The following SULT4A1 variants were observed in gnomAD, a reference collection of about 807,000 sequenced individuals.
SULT4A1 encodes sulfotransferase 4A1.
SULT4A1 carries 11 observed loss-of-function variants against 35.2 expected under a neutral mutation model. The observed-to-expected ratio is 0.31, with a 90% CI of 0.20 to 0.52. The LOEUF (loss-of-function observed/expected upper bound fraction) is 0.52, where lower values mean the gene tolerates loss of function less well. SULT4A1 is among the 20% of genes least tolerant of loss of function. The pLI is 0.97. For synonymous variants in SULT4A1, 152 were observed against 151.8 expected, an observed-to-expected ratio of 1.00 and a Z score of -0.01; for missense variants, 271 against 383.7, an observed-to-expected ratio of 0.71 and a Z score of 2.45.
rs1328305315 is a variant in SULT4A1, at chr22:43,838,852, G to A, written c.508+15C>T. The A allele has an allele frequency of 1.2e-6, 2 of 1,613,780 alleles. No homozygotes were observed. Among genetic ancestry groups the A allele is most frequent in the Non-Finnish European group, 1.7e-6 (2 of 1,179,822 alleles). On this transcript the variant is annotated intron_variant, in intron 4 of 6. Coordinates refer to ENST00000330884, the MANE Select transcript of SULT4A1 (RefSeq NM_014351.4). ...CGGCTCCGGTTCTAACATGCCGCCA[G>A]GCTGCAACACTCACGCTTATCATTC...
chr22:43,861,731 G>C (rs2049471368), intron 1 of SULT4A1, among the ~76,000 whole-genome samples: 1 of 152,232 alleles, frequency 6.6e-6, no homozygotes, highest in African/African-American at 2.4e-5. Context: ...GCCCAGGCTG[G>C]AAAGGAGGGA....
chr22:43,831,610 A>T (rs1398618123), intron 5 of SULT4A1, among the ~76,000 whole-genome samples: 1 of 152,234 alleles, frequency 6.6e-6, no homozygotes, highest in Non-Finnish European at 1.5e-5. Flanking sequence ...TCGTGCTGCA[A>T]CGGAGCACCG....
chr22:43,854,078 G>A (rs149476184), intron 1 of SULT4A1, among the ~76,000 whole-genome samples: 33 of 152,292 alleles, frequency 2.2e-4, no homozygotes, highest in Non-Finnish European at 4.1e-4. Flanking sequence ...CATCAGTGGT[G>A]GTTTGCCCTC....
chr22:43,834,999 C>T (rs566580247), intron 4 of SULT4A1, among the ~76,000 whole-genome samples: 1 of 50,910 alleles, frequency 2.0e-5, no homozygotes, highest in Non-Finnish European at 3.7e-5. Context: ...CTGAGCTTCC[C>T]GCACCCACAC....
At chr22:43,831,756 G>A (rs1452999681) in intron 5 of SULT4A1, among the ~76,000 whole-genome samples, 1 of 152,274 alleles carries the variant, frequency 6.6e-6, no homozygotes, top group Non-Finnish European at 1.5e-5. Flanking sequence ...AAGCTCCGGT[G>A]AGGGAGATGA....
intron 1 of SULT4A1, among the ~76,000 whole-genome samples, chr22:43,855,183 T>C (rs1004299922): frequency 3.3e-5 from 5 of 152,074 alleles, no homozygotes; most frequent in African/African-American, 1.2e-4. Flanking sequence ...GCCAGGCCCA[T>C]TGGAAGGAGG....
chr22:43,832,710 G>A (rs2063333834), intron 5 of SULT4A1, among the ~76,000 whole-genome samples: 1 of 152,070 alleles, frequency 6.6e-6, no homozygotes. Context: ...CCCCACCCCA[G>A]CGCCATAGGG....
At chr22:43,861,361 G>A (rs1244703477) in intron 1 of SULT4A1, among the ~76,000 whole-genome samples, 1 of 152,190 alleles carries the variant, frequency 6.6e-6, no homozygotes, top group Non-Finnish European at 1.5e-5. Flanking sequence ...AAATCCCAGG[G>A]CATGTTTACA....
At chr22:43,830,304 C>T (rs1161746144) in intron 5 of SULT4A1, among the ~76,000 whole-genome samples, 2 of 152,128 alleles carry the variant, frequency 1.3e-5, no homozygotes, top group Non-Finnish European at 2.9e-5. Flanking sequence ...GAAGAGATGC[C>T]GCAAGAAGGA....
At chr22:43,841,745 G>T in intron 2 of SULT4A1, 57 bp downstream of exon 2, 5 of 1,583,606 alleles carry the variant, frequency 3.2e-6, no homozygotes, top group Non-Finnish European at 4.3e-6. Context: ...TCATCAGGGT[G>T]TAACGGTAGA....
intron 1 of SULT4A1, among the ~76,000 whole-genome samples, chr22:43,852,066 C>T (rs570549095): frequency 1.3e-5 from 2 of 152,226 alleles, no homozygotes; most frequent in Non-Finnish European, 1.5e-5. Context: ...GAAACAGACA[C>T]CAGCGTGTGT....
chr22:43,857,699 G>A (rs2049417727), intron 1 of SULT4A1, among the ~76,000 whole-genome samples: 1 of 152,092 alleles, frequency 6.6e-6, no homozygotes, highest in Admixed American at 6.6e-5. Flanking sequence ...GGCAGCCAGA[G>A]GAAAACAGGC....
At chr22:43,844,873 G>A (rs1465139819) in intron 1 of SULT4A1, among the ~76,000 whole-genome samples, 2 of 152,220 alleles carry the variant, frequency 1.3e-5, no homozygotes, top group Admixed American at 6.5e-5. Context: ...CACACCTGGT[G>A]CAGGCAGGAG....
chr22:43,851,452 A>G (rs1434845221), intron 1 of SULT4A1, among the ~76,000 whole-genome samples: 1 of 152,106 alleles, frequency 6.6e-6, no homozygotes, highest in Non-Finnish European at 1.5e-5. Flanking sequence ...GGTGATCTTG[A>G]GTCCACTCAC....
chr22:43,838,223 GCCTT>G lies in SULT4A1; in HGVS notation c.508+640_508+643del, dbSNP rs2063393135. ...GGACCAAGACAAGAGGCCTGGTCCC[GCCTT>G]CCTTGAGAGCAGGGCAGGGTGGAAC... On this transcript the variant is annotated intron_variant, in intron 4 of 6. Transcript: ENST00000330884. Among the ~76,000 whole-genome samples, 7 of 152,378 alleles carry G rather than the reference GCCTT, an allele frequency of 4.6e-5. No individual in the cohort carries two copies. In the South Asian group the frequency reaches 1.4e-3, roughly 32 times the overall value.
At chr22:43,844,569 A>G (rs552596190) in intron 1 of SULT4A1, among the ~76,000 whole-genome samples, 35 of 152,272 alleles carry the variant, frequency 2.3e-4, no homozygotes, top group Non-Finnish European at 4.1e-4. Flanking sequence ...TAGCTTCCCA[A>G]TGTTCACACA....
intron 1 of SULT4A1, among the ~76,000 whole-genome samples, chr22:43,860,909 T>C (rs1485481072): frequency 2.0e-5 from 3 of 152,128 alleles, no homozygotes; most frequent in Non-Finnish European, 4.4e-5. Flanking sequence ...ACCTGACCTC[T>C]GTCCCTCAGC....
chr22:43,842,784 A>G (rs1031862901), intron 1 of SULT4A1, among the ~76,000 whole-genome samples: 80 of 152,312 alleles, frequency 5.3e-4, no homozygotes, highest in African/African-American at 1.9e-3. Context: ...TTCAGAGAAG[A>G]CACAAAGGCG....
chr22:43,839,137 C>T lies in SULT4A1; in HGVS notation c.382-144G>A, dbSNP rs1022343851. The T allele has an allele frequency of 4.7e-5, 53 of 1,120,762 alleles. 2 individuals carry two copies. The highest frequency in any genetic ancestry group is 3.6e-4 in the African/African-American group (23 of 64,512). The allele number at this position is 1,120,762 out of a possible 1,614,324, so 69.4% of individuals were successfully genotyped here. ...AGCGTCCAGCTGGGGCCCATGTGCACGGCTGCTGGGTGCTGCTGCTTCGCT... is the reference window on the plus strand; with the variant it reads ...AGCGTCCAGCTGGGGCCCATGTGCATGGCTGCTGGGTGCTGCTGCTTCGCT... On this transcript the variant is annotated intron_variant, in intron 3 of 6. Transcript: ENST00000330884.
Sources: gnomAD v4.1 joint callset for allele counts (sites outside exome capture counted in the v4.1 genomes callset) on GRCh38, gnomAD v4.1.1 for gene constraint, MANE v1.5 for transcripts, NCBI Gene and HGNC (gene_info 2026-07-23, HGNC 2026-07-21) for gene names.